VPS13A: variants seen among roughly 807,000 people sequenced by gnomAD.
VPS13A encodes intermembrane lipid transfer protein VPS13A.
Under a neutral mutation model 390.9 loss-of-function variants are expected in VPS13A, and 264 were observed. That is an observed-to-expected ratio of 0.68 (90% confidence interval 0.61 to 0.75). VPS13A has a LOEUF of 0.75. VPS13A is among the 30% of genes least tolerant of loss of function. The pLI, the probability that VPS13A is intolerant of heterozygous loss-of-function variation, is 0.00. For missense variants in VPS13A, 3,409 were observed against 3,733.9 expected (o/e 0.91, Z 2.27); for synonymous variants, 1,231 against 1,227.1 (o/e 1.00, Z -0.07).
At chr9:77,184,642 C>G (rs1042114196) in intron 1 of VPS13A, among the ~76,000 whole-genome samples, 2 of 152,154 alleles carry the variant, frequency 1.3e-5, no homozygotes, top group African/African-American at 4.8e-5. Context: ...CAAAAGAATG[C>G]TGGATTTTGT....
chr9:77,267,839 T>C (rs1165938336), intron 23 of VPS13A, among the ~76,000 whole-genome samples: 1 of 152,232 alleles, frequency 6.6e-6, no homozygotes, highest in Non-Finnish European at 1.5e-5. Flanking sequence ...ACTGGGCTGC[T>C]ACCTTTCTTT....
In VPS13A at chr9:77,309,743, G is replaced by T. The variant is rs17063527; in HGVS notation, c.4114+1645G>T. Among the ~76,000 whole-genome samples the T allele has an allele frequency of 8.5e-3, 1,289 of 152,212 alleles. 11 individuals carry two copies. The highest frequency in any genetic ancestry group is 0.014 in the South Asian group (68 of 4,812). ...GCTGCTGTAAACTGTCCAGACCTAA[G>T]TAAATATTGAAGGAAGCTCTTAGCT... is the stretch of plus-strand genomic sequence containing the variant. On this transcript the variant is annotated intron_variant, in intron 35 of 71. Coordinates refer to ENST00000360280, the MANE Select transcript of VPS13A (RefSeq NM_033305.3).
chr9:77,346,977 TG>T (rs1220305569), intron 52 of VPS13A, among the ~76,000 whole-genome samples: 1 of 152,228 alleles, frequency 6.6e-6, no homozygotes, highest in Non-Finnish European at 1.5e-5. Context: ...TTTGTTTTGT[TG>T]AAGATAATTG....
intron 35 of VPS13A, among the ~76,000 whole-genome samples, chr9:77,312,010 G>T (rs906348188): frequency 3.3e-5 from 5 of 152,130 alleles, no homozygotes; most frequent in Non-Finnish European, 7.4e-5. Flanking sequence ...AACTAAAACA[G>T]TGGTGAAAGA....
At chr9:77,187,033 C>T (rs1233000554) in intron 1 of VPS13A, among the ~76,000 whole-genome samples, 1 of 152,198 alleles carries the variant, frequency 6.6e-6, no homozygotes, top group African/African-American at 2.4e-5. Context: ...CCTCAAGGTG[C>T]ATCCGTGTTG....
intron 1 of VPS13A, among the ~76,000 whole-genome samples, chr9:77,196,096 T>C (rs540270849): frequency 6.6e-6 from 1 of 152,326 alleles, no homozygotes; most frequent in African/African-American, 2.4e-5. Flanking sequence ...TATTTGTTCA[T>C]TGTTCTGTTT....
rs150244384 is a variant in VPS13A at position 77,210,160 on chromosome 9, C to CCT, written c.496-433_496-432dup. Among the ~76,000 whole-genome samples, 307 of 107,394 alleles carry CCT rather than the reference C, an allele frequency of 2.9e-3. 1 individual carries two copies. Among genetic ancestry groups the CCT allele is most frequent in the African/African-American group, 6.3e-3 (164 of 25,840 alleles). The allele number at this position is 107,394 out of a possible 152,430, so 70.5% of individuals were successfully genotyped here. A position where few individuals can be genotyped will look rare whatever the true frequency, so the allele number is the denominator to read the frequency against. On this transcript the variant is annotated intron_variant, in intron 6 of 71. Coordinates refer to ENST00000360280, the MANE Select transcript of VPS13A (RefSeq NM_033305.3). The stretch of plus-strand genomic sequence containing the variant: ...CTCCCTCCCTTCCTCCCCCCACCTC[C>CCT]CTCTCTCTCTCTCTCTCTCTCTCTT...
Position 77,177,603 on chromosome 9 carries a change from C to G in VPS13A, c.-102C>G. ...GCGGGGGCGCCGCAGCTGAAGCCGC[C>G]CCGGAGCCGGTGAACCGAATTACCT... On this transcript the variant is annotated 5_prime_UTR_variant, in exon 1 of 72. Coordinates refer to ENST00000360280, the MANE Select transcript of VPS13A (RefSeq NM_033305.3). 3 of 1,122,088 alleles carry G rather than the reference C, an allele frequency of 2.7e-6. No homozygotes were observed. Among genetic ancestry groups the G allele is most frequent in the Non-Finnish European group, 2.6e-6 (2 of 763,922 alleles). 69.5% of individuals were successfully genotyped at this position (1,122,088 alleles called of 1,614,324 possible).
At chr9:77,333,161 TC>T (rs1170166363) in intron 46 of VPS13A, among the ~76,000 whole-genome samples, 2 of 152,220 alleles carry the variant, frequency 1.3e-5, no homozygotes, top group African/African-American at 4.8e-5. Context: ...TGAAGAACTT[TC>T]ATTTTCTTCT....
intron 68 of VPS13A, among the ~76,000 whole-genome samples, chr9:77,396,112 T>G (rs1834110013): frequency 6.6e-6 from 1 of 152,214 alleles, no homozygotes; most frequent in Non-Finnish European, 1.5e-5. Context: ...ATGCTCTCAC[T>G]CTGGCTCTTC....
At chr9:77,231,203 T>C (rs879422185) in intron 17 of VPS13A, among the ~76,000 whole-genome samples, 1 of 152,164 alleles carries the variant, frequency 6.6e-6, no homozygotes, top group East Asian at 1.9e-4. Context: ...TCCATTCCGA[T>C]GTGGATGCCC....
chr9:77,213,158 A>C, intron 8 of VPS13A, 76 bp from the exon 9 acceptor site: 2 of 1,542,490 alleles, frequency 1.3e-6, no homozygotes, highest in Non-Finnish European at 1.8e-6. Context: ...TCACTTAATT[A>C]TTTGAGACTT....
intron 68 of VPS13A, among the ~76,000 whole-genome samples, chr9:77,399,425 G>A (rs1321061263): frequency 6.6e-6 from 1 of 152,012 alleles, no homozygotes; most frequent in Admixed American, 6.6e-5. Flanking sequence ...GTTGGGTCTG[G>A]AAAGTAGAAA....
At chr9:77,304,094 C>T (rs945416718) in intron 34 of VPS13A, among the ~76,000 whole-genome samples, 1 of 152,146 alleles carries the variant, frequency 6.6e-6, no homozygotes, top group Admixed American at 6.5e-5. Context: ...GGACAATACC[C>T]GGCTTTCAAG....
Position 77,356,751 on chromosome 9 carries a change from G to A in VPS13A, c.7690G>A (p.Ala2564Thr), listed in dbSNP as rs1002740657. 7.4e-6 allele frequency: 12 copies of A among 1,613,374 alleles called. No homozygotes were observed. The highest frequency in any genetic ancestry group is 9.3e-6 in the Non-Finnish European group (11 of 1,179,722). The change falls in exon 55 of 72, where the codon GCA (alanine) becomes ACA (threonine). Residue 2564 changes from alanine to threonine, a missense_variant. Coordinates refer to ENST00000360280, the MANE Select transcript of VPS13A (RefSeq NM_033305.3). Reference protein sequence around the residue: ...VVWETKPKKKARWKPMSVKHT... With the variant: ...VVWETKPKKKTRWKPMSVKHT... ...TTGGGAAACAAAGCCCAAGAAGAAGGCAAGATGGAAGCCAATGAGTGTAAA... is the reference window on the plus strand; with the variant it reads ...TTGGGAAACAAAGCCCAAGAAGAAGACAAGATGGAAGCCAATGAGTGTAAA...
At chr9:77,179,992 C>T (rs1823910367) in intron 1 of VPS13A, among the ~76,000 whole-genome samples, 1 of 152,062 alleles carries the variant, frequency 6.6e-6, no homozygotes, top group Non-Finnish European at 1.5e-5. Flanking sequence ...GCTTCTTTAA[C>T]CTAATGTATT....
At chr9:77,325,102 C>CA (rs1357948775) in intron 45 of VPS13A, among the ~76,000 whole-genome samples, 1 of 152,334 alleles carries the variant, frequency 6.6e-6, no homozygotes, top group Non-Finnish European at 1.5e-5. Context: ...GGCAAGTACT[C>CA]ACAGTACCTG....
intron 68 of VPS13A, among the ~76,000 whole-genome samples, chr9:77,385,963 T>C (rs1833663997): frequency 6.6e-6 from 1 of 152,162 alleles, no homozygotes; most frequent in Non-Finnish European, 1.5e-5. Context: ...CTATGCAGAA[T>C]TCATTCAAAT....
Position 77,205,400 on chromosome 9 carries a change from C to A in VPS13A, c.275C>A (p.Pro92His). Reference protein sequence around the residue: ...VLEEIYLLIVPSSRIKYDPLK... With the variant: ...VLEEIYLLIVHSSRIKYDPLK... ...GAAGAAATTTATTTACTTATAGTGC[C>A]TTCTTCTAGTAAGTTAAATTTAAAA... Residue 92 changes from proline (P) to histidine (H), a missense_variant, in exon 4 of 72, where the codon CCT (proline) becomes CAT (histidine). Physicochemically the swap from Pro to His is moderately conservative, Grantham distance 77. Around this residue, in one of 5 missense-constraint regions of VPS13A, gnomAD observed 2,717 missense variants for 2,917.4 expected, o/e 0.93. Coordinates refer to ENST00000360280, the MANE Select transcript of VPS13A (RefSeq NM_033305.3). The A allele has an allele frequency of 7.2e-7, 1 of 1,392,738 alleles. No individual in the cohort carries two copies. The highest frequency in any genetic ancestry group is 1.9e-5 in the South Asian group (1 of 52,726). The allele number at this position is 1,392,738 out of a possible 1,614,324, so 86.3% of individuals were successfully genotyped here. A position where few individuals can be genotyped will look rare whatever the true frequency, so the allele number is the denominator to read the frequency against.
Sources: allele counts gnomAD v4.1 joint callset (sites outside exome capture counted in the v4.1 genomes callset), GRCh38; gene constraint gnomAD v4.1.1; regional missense constraint gnomAD v4.1.1; transcripts MANE v1.5; gene names NCBI Gene and HGNC (gene_info 2026-07-23, HGNC 2026-07-21).